The following FSTL5 variants were observed in gnomAD, a reference collection of about 807,000 sequenced individuals.
FSTL5 encodes the protein follistatin-related protein 5.
In FSTL5, 62 loss-of-function variants were observed where a neutral mutation model predicts 89.1. That is an observed-to-expected ratio of 0.70 (90% CI 0.57 to 0.86). The LOEUF is 0.86. Among genes scored for constraint, FSTL5 ranks in the 40% least tolerant of loss-of-function variants. FSTL5 has a pLI of 0.00. For synonymous variants in FSTL5, 383 were observed against 346.2 expected (o/e 1.11, Z -1.18); for missense variants, 1,057 against 1,001.6 (o/e 1.06, Z -0.75).
chr4:161,657,716 T>C (rs1479197908), intron 6 of FSTL5, among the ~76,000 whole-genome samples: 1 of 152,188 alleles, frequency 6.6e-6, no homozygotes, highest in Non-Finnish European at 1.5e-5. Context: ...GTTTTTGGCA[T>C]CATCACAAAT....
chr4:161,773,363 A>G (rs1337739692), intron 5 of FSTL5, among the ~76,000 whole-genome samples: 5 of 152,146 alleles, frequency 3.3e-5, no homozygotes, highest in Non-Finnish European at 7.4e-5. Context: ...TTAAACTAAA[A>G]AGCCTCTGTA....
intron 15 of FSTL5, among the ~76,000 whole-genome samples, chr4:161,390,744 G>A (rs115471031): frequency 0.015 from 2,344 of 151,832 alleles, 56 homozygotes; most frequent in African/African-American, 0.053. Context: ...ATTAAAGCTC[G>A]TAAGTATAGA....
At chr4:161,565,139 C>T (rs1192584960) in intron 8 of FSTL5, among the ~76,000 whole-genome samples, 1 of 151,766 alleles carries the variant, frequency 6.6e-6, no homozygotes, top group East Asian at 1.9e-4. Context: ...TTCATAAGTG[C>T]CTCTCAGACC....
intron 4 of FSTL5, among the ~76,000 whole-genome samples, chr4:161,900,643 A>C (rs1488961231): frequency 1.5e-5 from 1 of 64,922 alleles, no homozygotes; most frequent in African/African-American, 4.1e-5. Context: ...CATCTCAAAA[A>C]AAAAAAAAAA....
At chr4:161,848,745 C>T (rs376812013) in intron 4 of FSTL5, among the ~76,000 whole-genome samples, 9 of 152,122 alleles carry the variant, frequency 5.9e-5, no homozygotes, top group South Asian at 2.1e-4. Context: ...GTTGTCGCTG[C>T]CTCTACTTGG....
At chr4:161,573,728 C>A (rs1578936535) in intron 8 of FSTL5, among the ~76,000 whole-genome samples, 1 of 48,526 alleles carries the variant, frequency 2.1e-5, no homozygotes, top group Non-Finnish European at 3.9e-5. Flanking sequence ...AGAGAAACTC[C>A]AGCTCAAAAA....
intron 11 of FSTL5, among the ~76,000 whole-genome samples, chr4:161,504,828 A>G (rs1268708301): frequency 6.6e-6 from 1 of 152,034 alleles, no homozygotes; most frequent in African/African-American, 2.4e-5. Flanking sequence ...TGTGAAATAT[A>G]GTTATACTAC....
chr4:161,924,022 C>T (rs1042098849), intron 3 of FSTL5, among the ~76,000 whole-genome samples: 5 of 151,696 alleles, frequency 3.3e-5, no homozygotes, highest in African/African-American at 1.2e-4. Flanking sequence ...ACTTAAGTTT[C>T]AGCTGAGATT....
intron 15 of FSTL5, among the ~76,000 whole-genome samples, chr4:161,393,519 A>C (rs1020636442): frequency 6.6e-6 from 1 of 152,032 alleles, no homozygotes; most frequent in Non-Finnish European, 1.5e-5. Context: ...GGATGTAGCT[A>C]CATCCCGGCT....
intron 4 of FSTL5, among the ~76,000 whole-genome samples, chr4:161,882,770 A>G (rs1458065362): frequency 6.6e-6 from 1 of 152,104 alleles, no homozygotes; most frequent in Admixed American, 6.6e-5. Context: ...TTACAGTGGA[A>G]TAATTATTTT....
chr4:161,705,966 A>G (rs1156373307), intron 6 of FSTL5, among the ~76,000 whole-genome samples: 1,322 of 70,542 alleles, frequency 0.019, 62 homozygotes, highest in South Asian at 0.034. Context: ...ATATATATAT[A>G]TATATATATA....
chr4:162,076,227 C>G (rs967889882), intron 2 of FSTL5, among the ~76,000 whole-genome samples: 1 of 151,892 alleles, frequency 6.6e-6, no homozygotes, highest in Non-Finnish European at 1.5e-5. Flanking sequence ...ATAGCTATGG[C>G]TAAAATTTCA....
intron 8 of FSTL5, among the ~76,000 whole-genome samples, chr4:161,585,669 G>A (rs1034958192): frequency 5.3e-5 from 8 of 151,372 alleles, no homozygotes; most frequent in African/African-American, 1.9e-4. Flanking sequence ...AAAATAGAAG[G>A]TGAGGACCAG....
At chr4:161,799,856 G>A (rs1729742672) in intron 4 of FSTL5, among the ~76,000 whole-genome samples, 1 of 151,610 alleles carries the variant, frequency 6.6e-6, no homozygotes, top group Non-Finnish European at 1.5e-5. Context: ...TAACCATAGG[G>A]CTGTGATTCA....
intron 4 of FSTL5, among the ~76,000 whole-genome samples, chr4:161,798,418 G>A (rs1408020395): frequency 6.6e-6 from 1 of 150,832 alleles, no homozygotes. Context: ...TAGACTTTTT[G>A]TTAGTTTAGG....
At chr4:161,744,161 G>T (rs1740116803) in intron 6 of FSTL5, among the ~76,000 whole-genome samples, 1 of 152,024 alleles carries the variant, frequency 6.6e-6, no homozygotes, top group Non-Finnish European at 1.5e-5. Context: ...CTGAACGTAT[G>T]TATGGTCAGG....
chr4:162,023,942 AG>A lies in FSTL5; in HGVS notation c.160+9682del, dbSNP rs139325661. 5.2e-3 allele frequency among the ~76,000 whole-genome samples: 797 copies of A among 152,286 alleles called. 7 individuals are homozygous for A. The highest frequency in any genetic ancestry group is 0.018 in the African/African-American group (756 of 41,566). On this transcript the variant is annotated intron_variant, in intron 3 of 15. Coordinates refer to ENST00000306100, the MANE Select transcript of FSTL5 (RefSeq NM_020116.5). Reference sequence around the variant, plus strand: ...GGATTTCAGTAAGTCATTCCATAAAAGACCCTGCTTGCATAAATCTGATAAG... The same window carrying A: ...GGATTTCAGTAAGTCATTCCATAAAAACCCTGCTTGCATAAATCTGATAAG...
chr4:161,442,849 T>C (rs1244696110), intron 15 of FSTL5, among the ~76,000 whole-genome samples: 2 of 152,020 alleles, frequency 1.3e-5, no homozygotes, highest in East Asian at 3.9e-4. Flanking sequence ...TCTTAGACTC[T>C]TTCTCTTATA....
At chr4:161,879,413 A>C (rs1000765498) in intron 4 of FSTL5, among the ~76,000 whole-genome samples, 1 of 152,208 alleles carries the variant, frequency 6.6e-6, no homozygotes, top group Non-Finnish European at 1.5e-5. Flanking sequence ...AAATTTCTTC[A>C]CGATGCTTTC....
Sources: gnomAD v4.1 joint callset for allele counts (sites outside exome capture counted in the v4.1 genomes callset) on GRCh38, gnomAD v4.1.1 for gene constraint, MANE v1.5 for transcripts, NCBI Gene and HGNC (gene_info 2026-07-23, HGNC 2026-07-21) for gene names.